Variants in ABHD2 observed in about 807,000 individuals in gnomAD.
ABHD2 encodes abhydrolase domain containing 2, acylglycerol lipase, also known as monoacylglycerol lipase ABHD2.
In ABHD2, 20 loss-of-function variants were observed where a neutral mutation model predicts 48.1. The ratio of observed to expected loss-of-function variants is 0.42; its 90% CI spans 0.29 to 0.60. The LOEUF is 0.60. Among genes scored for constraint, ABHD2 ranks in the 20% least tolerant of loss-of-function variants. The pLI is 0.24. For synonymous variants in ABHD2, 209 were observed against 214.2 expected (o/e 0.98, Z 0.21); for missense variants, 405 against 550.9 (o/e 0.74, Z 2.65).
At chr15:89,165,545 G>C (rs764345995) in intron 5 of ABHD2, among the ~76,000 whole-genome samples, 11 of 151,946 alleles carry the variant, frequency 7.2e-5, no homozygotes, top group Non-Finnish European at 1.6e-4. Context: ...TTGAGGGTAG[G>C]AGTTCAAGAC....
chr15:89,116,489 T>C lies in ABHD2; in HGVS notation c.162T>C (p.Phe54=). The change falls in exon 3 of 11, where the codon TTT becomes TTC. Residue 54 remains phenylalanine, a synonymous_variant. Transcript: ENST00000352732. The surrounding 1 kb of genome is among the most constrained non-coding windows in gnomAD (Gnocchi z 4.6). The part of the protein sequence containing the change: ...LYFQDSGLSR[F]LLKSCPLLTK... ...TCCAGGACTCGGGGCTCTCACGCTT[T>C]CTGCTCAAGTCCTGTCCTCTTCTGA... 6.2e-7 allele frequency: 1 copy of C among 1,614,192 alleles called. No individual in the cohort carries two copies. Among genetic ancestry groups the C allele is most frequent in the Non-Finnish European group, 8.5e-7 (1 of 1,179,998 alleles).
chr15:89,170,667 A>G (rs1347231660), intron 5 of ABHD2, among the ~76,000 whole-genome samples: 1 of 152,178 alleles, frequency 6.6e-6, no homozygotes. Context: ...CAGTGGATGG[A>G]CCAGAGGGCC....
At position 89,201,966 on chromosome 15, in the gene ABHD2, C is replaced by T. The variant is rs2051470668; in HGVS notation, c.*6543C>T. 6 of 482,502 alleles carry T rather than the reference C, an allele frequency of 1.2e-5. No individual in the cohort carries two copies. In the East Asian group the frequency reaches 2.2e-4, roughly 17 times the overall value. The allele number at this position is 482,502 out of a possible 1,614,324, so 29.9% of individuals were successfully genotyped here. On this transcript the variant is annotated 3_prime_UTR_variant, in exon 11 of 11. Coordinates refer to ENST00000352732, the MANE Select transcript of ABHD2 (RefSeq NM_152924.5). Reference sequence around the variant, plus strand: ...GCTTCCAGATTGATTTTTAGAGCACCATCACTTTCACATTCCTGATTCTGA... The same window carrying T: ...GCTTCCAGATTGATTTTTAGAGCACTATCACTTTCACATTCCTGATTCTGA...
At position 89,197,984 on chromosome 15, in the gene ABHD2, A is replaced by G. The variant is rs1347244433; in HGVS notation, c.*2561A>G. The G allele has an allele frequency of 6.6e-6, 1 of 152,230 alleles. No individual in the cohort carries two copies. The highest frequency in any genetic ancestry group is 1.5e-5 in the Non-Finnish European group (1 of 68,038). The allele number at this position is 152,230 out of a possible 1,614,324, so 9.4% of individuals were successfully genotyped here. A position where few individuals can be genotyped will look rare whatever the true frequency, so the allele number is the denominator to read the frequency against. ...CAGGAAAATTCTTGTTTGTCCCTGA[A>G]TGAGAGCACAGAGGCATTGAATTCA... On this transcript the variant is annotated 3_prime_UTR_variant, in exon 11 of 11. Transcript: ENST00000352732. This position sits in a 1 kb window ranked among gnomAD's most constrained non-coding sequence, Gnocchi z 4.4.
At chr15:89,063,583 CAA>C in the ABHD2 span, among the ~76,000 whole-genome samples, 1 of 151,766 alleles carries the variant, frequency 6.6e-6, no homozygotes, top group African/African-American at 2.4e-5. Flanking sequence ...CATATAAACA[CAA>C]AGAGAAAGGG....
At position 89,119,018 on chromosome 15, in the gene ABHD2, G is replaced by C. The variant is rs112494415; in HGVS notation, c.194+2497G>C. ...GTTTAGAAAATTAGCATCAGCCTAA[G>C]CCAGGGGCATCAGCATGGAGCCCCC... On this transcript the variant is annotated intron_variant, in intron 3 of 10. Coordinates refer to ENST00000352732, the MANE Select transcript of ABHD2 (RefSeq NM_152924.5). Among the ~76,000 whole-genome samples, 1,448 of 152,266 alleles carry C rather than the reference G, an allele frequency of 9.5e-3. 20 individuals carry two copies. The highest frequency in any genetic ancestry group is 0.032 in the African/African-American group (1,314 of 41,558).
Position 89,120,465 on chromosome 15 carries a change from A to G in ABHD2, c.194+3944A>G, listed in dbSNP as rs2050031803. 6.6e-6 allele frequency among the ~76,000 whole-genome samples: 1 copy of G among 152,108 alleles called. No individual in the cohort carries two copies. The highest frequency in any genetic ancestry group is 1.5e-5 in the Non-Finnish European group (1 of 67,996). ...AAGGTAGAGCACACAAAAATTATCTATAAATGTTATAGCTCTTTCTTTTTT... is the reference window on the plus strand; with the variant it reads ...AAGGTAGAGCACACAAAAATTATCTGTAAATGTTATAGCTCTTTCTTTTTT... On this transcript the variant is annotated intron_variant, in intron 3 of 10. Coordinates refer to ENST00000352732, the MANE Select transcript of ABHD2 (RefSeq NM_152924.5). The surrounding 1 kb of genome is among the most constrained non-coding windows in gnomAD (Gnocchi z 4.2).
At chr15:89,134,435 A>C (rs917079760) in intron 3 of ABHD2, among the ~76,000 whole-genome samples, 2 of 152,282 alleles carry the variant, frequency 1.3e-5, no homozygotes, top group East Asian at 3.9e-4. Flanking sequence ...TTTTTCACCA[A>C]CTAAATTTCC....
chr15:89,041,617 G>A, the ABHD2 span, among the ~76,000 whole-genome samples: 1 of 152,224 alleles, frequency 6.6e-6, no homozygotes, highest in African/African-American at 2.4e-5. Context: ...CTGTGCCTCT[G>A]TCCGGGCATC....
At chr15:89,074,603 T>G in the ABHD2 span, among the ~76,000 whole-genome samples, 1 of 151,916 alleles carries the variant, frequency 6.6e-6, no homozygotes, top group African/African-American at 2.4e-5. Context: ...AATGAAAGAG[T>G]CTGGCATAAG....
chr15:89,051,463 C>T, the ABHD2 span, among the ~76,000 whole-genome samples: 592 of 152,228 alleles, frequency 3.9e-3, 7 homozygotes, highest in African/African-American at 0.014. Context: ...CCTAAGGATA[C>T]AATGGCTCAA....
rs1011507172 is a variant in ABHD2 at position 89,188,834 on chromosome 15, A to G, written c.926+531A>G. On this transcript the variant is annotated intron_variant, in intron 8 of 10. Coordinates refer to ENST00000352732, the MANE Select transcript of ABHD2 (RefSeq NM_152924.5). This position sits in a 1 kb window ranked among gnomAD's most constrained non-coding sequence, Gnocchi z 4.1. The stretch of plus-strand genomic sequence containing the variant: ...GTTGAAGCTGCAGTGAGCCATGTTC[A>G]TGCCATTGCACTCCAGCCAGGGTGA... 2.0e-5 allele frequency among the ~76,000 whole-genome samples: 3 copies of G among 151,550 alleles called. No individual in the cohort carries two copies. The highest frequency in any genetic ancestry group is 6.6e-5 in the Admixed American group (1 of 15,224).
Position 89,137,358 on chromosome 15 carries a change from T to A in ABHD2, c.195-14319T>A, listed in dbSNP as rs1033046974. Among the ~76,000 whole-genome samples, 1 of 152,334 alleles carries A rather than the reference T, an allele frequency of 6.6e-6. No homozygotes were observed. Among genetic ancestry groups the A allele is most frequent in the Middle Eastern group, 3.4e-3 (1 of 294 alleles). On this transcript the variant is annotated intron_variant, in intron 3 of 10. Transcript: ENST00000352732. The surrounding 1 kb of genome is among the most constrained non-coding windows in gnomAD (Gnocchi z 4.8). ...TCTGAGGGGTTTTAACTGGTTTTCT[T>A]TGAACTTTAGAAAAGCACATTTATT...
In ABHD2 at chr15:89,185,607, A is replaced by AT; in HGVS notation, c.815+91_815+92insT. The AT allele has an allele frequency of 8.8e-7, 1 of 1,130,156 alleles. No individual in the cohort carries two copies. Among genetic ancestry groups the AT allele is most frequent in the Non-Finnish European group, 1.3e-6 (1 of 768,582 alleles). The allele number at this position is 1,130,156 out of a possible 1,614,324, so 70.0% of individuals were successfully genotyped here. A position where few individuals can be genotyped will look rare whatever the true frequency, so the allele number is the denominator to read the frequency against. ...GAAAAGCCAGGACTCCTGTTCCTTC[A>AT]GGGGAAAAAAAAAAATGCAGGTGTG... On this transcript the variant is annotated intron_variant, in intron 7 of 10. Coordinates refer to ENST00000352732, the MANE Select transcript of ABHD2 (RefSeq NM_152924.5). The surrounding 1 kb of genome is among the most constrained non-coding windows in gnomAD (Gnocchi z 5.9).
intron 3 of ABHD2, among the ~76,000 whole-genome samples, chr15:89,150,790 C>T (rs944147666): frequency 9.9e-5 from 15 of 152,160 alleles, no homozygotes; most frequent in African/African-American, 3.6e-4. Context: ...TATACGACTC[C>T]AGTTTATATA....
At position 89,106,994 on chromosome 15, in the gene ABHD2, C is replaced by T. The variant is rs977428904; in HGVS notation, c.-106-6731C>T. Among the ~76,000 whole-genome samples the T allele has an allele frequency of 2.6e-5, 4 of 152,192 alleles. No homozygotes were observed. The highest frequency in any genetic ancestry group is 9.7e-5 in the African/African-American group (4 of 41,446). On this transcript the variant is annotated intron_variant, in intron 1 of 10. Coordinates refer to ENST00000352732, the MANE Select transcript of ABHD2 (RefSeq NM_152924.5). This position sits in a 1 kb window ranked among gnomAD's most constrained non-coding sequence, Gnocchi z 4.2. The stretch of plus-strand genomic sequence containing the variant: ...TGTGCTGTGGCCTTCTGCTGTCCTT[C>T]TCCTGACATCCTCACAGGGTACTTT...
rs760648732 is a variant in ABHD2 at position 89,186,846 on chromosome 15, G to A, written c.815+1330G>A. On this transcript the variant is annotated intron_variant, in intron 7 of 10. Transcript: ENST00000352732. The surrounding 1 kb of genome is among the most constrained non-coding windows in gnomAD (Gnocchi z 4.3). ...ACACACCCCAGATTGGGCTTCCTAC[G>A]GGTGGGCGTTCACATGGCACCTAAG... Among the ~76,000 whole-genome samples the A allele has an allele frequency of 2.6e-5, 4 of 152,330 alleles. 1 individual carries two copies. Among genetic ancestry groups the A allele is most frequent in the East Asian group, 1.9e-4 (1 of 5,192 alleles).
rs1249220504 is a variant in ABHD2, at chr15:89,176,967, A to G, written c.722+972A>G. 6.6e-6 allele frequency among the ~76,000 whole-genome samples: 1 copy of G among 152,208 alleles called. No individual in the cohort carries two copies. Among genetic ancestry groups the G allele is most frequent in the African/African-American group, 2.4e-5 (1 of 41,450 alleles). ...ACTTTCTGATGGATAGAGGCCATCT[A>G]TATTATTTCTAAAAATACATATTAC... On this transcript the variant is annotated intron_variant, in intron 6 of 10. Transcript: ENST00000352732. This position sits in a 1 kb window ranked among gnomAD's most constrained non-coding sequence, Gnocchi z 4.5.
intron 5 of ABHD2, among the ~76,000 whole-genome samples, chr15:89,158,073 T>A (rs1233202917): frequency 6.6e-6 from 1 of 152,058 alleles, no homozygotes; most frequent in East Asian, 1.9e-4. Context: ...AGGGCCAGGA[T>A]GGAGATTTGG....
Sources: allele counts gnomAD v4.1 joint callset (sites outside exome capture counted in the v4.1 genomes callset), GRCh38; gene constraint gnomAD v4.1.1; non-coding constraint Gnocchi (gnomAD v3.1); transcripts MANE v1.5; gene names NCBI Gene and HGNC (gene_info 2026-07-23, HGNC 2026-07-21).